Variants in CSGALNACT1 observed in about 807,000 individuals in gnomAD.
CSGALNACT1 encodes beta4GalNAcT-1.
CSGALNACT1 carries 52 observed loss-of-function variants against 51.0 expected under a neutral mutation model. The ratio of observed to expected loss-of-function variants is 1.02; its 90% CI spans 0.82 to 1.29. The LOEUF (loss-of-function observed/expected upper bound fraction) is 1.29. Among genes scored for constraint, CSGALNACT1 ranks in the 50% most tolerant of loss-of-function variants. CSGALNACT1 has a pLI of 0.00. For synonymous variants in CSGALNACT1, 341 were observed against 254.4 expected, an observed-to-expected ratio of 1.34 and a Z score of -3.24; for missense variants, 935 against 679.2, an observed-to-expected ratio of 1.38 and a Z score of -4.19.
intron 1 of CSGALNACT1, among the ~76,000 whole-genome samples, chr8:19,655,579 C>CACACACAT (rs377123745): frequency 1.4e-4 from 16 of 111,830 alleles, no homozygotes; most frequent in South Asian, 7.0e-4. Context: ...CACACACACA[C>CACACACAT]ATATATATAT....
intron 1 of CSGALNACT1, among the ~76,000 whole-genome samples, chr8:19,702,459 C>T (rs995777079): frequency 1.9e-4 from 29 of 152,076 alleles, no homozygotes; most frequent in African/African-American, 6.8e-4. Flanking sequence ...CTGCAGTGAG[C>T]TATAATCACA....
chr8:19,526,951 CT>C (rs2081833346), intron 3 of CSGALNACT1, among the ~76,000 whole-genome samples: 1 of 152,162 alleles, frequency 6.6e-6, no homozygotes, highest in African/African-American at 2.4e-5. Flanking sequence ...ACGTTAAATG[CT>C]ATGTTAAAGT....
upstream of CSGALNACT1, among the ~76,000 whole-genome samples, chr8:19,603,944 A>C (rs1440438895): frequency 1.3e-5 from 2 of 152,204 alleles, no homozygotes; most frequent in South Asian, 2.1e-4. Flanking sequence ...TCATCTACAC[A>C]CAGTAACATA....
chr8:19,557,146 G>A (rs962565804), intron 3 of CSGALNACT1, among the ~76,000 whole-genome samples: 1 of 152,114 alleles, frequency 6.6e-6, no homozygotes, highest in Non-Finnish European at 1.5e-5. Context: ...ATCCAATTCT[G>A]TAAATTTAGT....
intron 5 of CSGALNACT1, among the ~76,000 whole-genome samples, chr8:19,454,680 AT>A (rs1294167193): frequency 1.3e-5 from 2 of 152,192 alleles, no homozygotes; most frequent in Non-Finnish European, 2.9e-5. Context: ...AAATAAATAA[AT>A]AAATGATTGC....
intron 1 of CSGALNACT1, among the ~76,000 whole-genome samples, chr8:19,654,076 G>A (rs1047894656): frequency 1.3e-5 from 2 of 152,164 alleles, no homozygotes; most frequent in African/African-American, 4.8e-5. Flanking sequence ...TGCATGAAAA[G>A]CTGCCTTATT....
At chr8:19,532,988 T>C (rs548351891) in intron 3 of CSGALNACT1, among the ~76,000 whole-genome samples, 147 of 152,334 alleles carry the variant, frequency 9.6e-4, no homozygotes, top group African/African-American at 3.3e-3. Flanking sequence ...ACCCCAACTT[T>C]TATTTTCCTT....
chr8:19,431,824 T>A (rs1027104832), intron 6 of CSGALNACT1, among the ~76,000 whole-genome samples: 6 of 145,496 alleles, frequency 4.1e-5, no homozygotes, highest in Non-Finnish European at 9.2e-5. Context: ...TTTTTTTTTT[T>A]AATTAAATCA....
Position 19,505,644 on chromosome 8 carries a change from C to T in CSGALNACT1, c.191G>A (p.Trp64Ter), listed in dbSNP as rs2077189679. 1 of 1,614,172 alleles carries T rather than the reference C, an allele frequency of 6.2e-7. No individual in the cohort carries two copies. The highest frequency in any genetic ancestry group is 1.3e-5 in the African/African-American group (1 of 75,054). ...CACGTAGTTGCGGTGCTGCTCCTCCCACTCCTGAAGGACGGCCTGGTACCC... is the reference window on the plus strand; with the variant it reads ...CACGTAGTTGCGGTGCTGCTCCTCCTACTCCTGAAGGACGGCCTGGTACCC... Residue 64 changes from tryptophan (W) to a stop codon, truncating the protein, a stop_gained, in exon 4 of 10, where the codon TGG becomes TAG. Transcript: ENST00000454498. LOFTEE classifies it high-confidence loss of function.
intron 3 of CSGALNACT1, among the ~76,000 whole-genome samples, chr8:19,523,317 T>C (rs765484111): frequency 2.0e-5 from 3 of 152,164 alleles, no homozygotes; most frequent in Non-Finnish European, 4.4e-5. Flanking sequence ...TAGGCTGAAG[T>C]GCAAGGGCGC....
intron 1 of CSGALNACT1, among the ~76,000 whole-genome samples, chr8:19,692,312 T>A (rs2154216166): frequency 6.6e-6 from 1 of 152,344 alleles, no homozygotes; most frequent in South Asian, 2.1e-4. Flanking sequence ...CCTGCAATGT[T>A]ACCTGCCCTT....
chr8:19,477,953 A>G (rs541017619), intron 4 of CSGALNACT1, among the ~76,000 whole-genome samples: 1 of 152,318 alleles, frequency 6.6e-6, no homozygotes, highest in Admixed American at 6.5e-5. Context: ...ATATTTCATG[A>G]TGTTTGATGA....
chr8:19,513,436 C>CTCTCTCTCTCTATATATATATA, intron 3 of CSGALNACT1, among the ~76,000 whole-genome samples: 95 of 81,930 alleles, frequency 1.2e-3, no homozygotes, highest in Non-Finnish European at 1.6e-3. Flanking sequence ...CTCTCTCTCT[C>CTCTCTCTCTCTATATATATATA]TATATATATA....
At chr8:19,634,425 G>A (rs1331009582) in intron 1 of CSGALNACT1, among the ~76,000 whole-genome samples, 2 of 151,976 alleles carry the variant, frequency 1.3e-5, no homozygotes, top group Non-Finnish European at 1.5e-5. Flanking sequence ...GCAGAGAGAG[G>A]CCGAGGCAAG....
At chr8:19,744,675 T>G (rs770223711) in intron 1 of CSGALNACT1, among the ~76,000 whole-genome samples, 1 of 152,194 alleles carries the variant, frequency 6.6e-6, no homozygotes, top group Non-Finnish European at 1.5e-5. Flanking sequence ...TAAAAGAGAT[T>G]TCTAAAGGTG....
chr8:19,656,837 G>A (rs1232279527), intron 1 of CSGALNACT1, among the ~76,000 whole-genome samples: 2 of 152,048 alleles, frequency 1.3e-5, no homozygotes, highest in African/African-American at 2.4e-5. Flanking sequence ...GGAGGCCAAG[G>A]CGCGTGGATC....
At position 19,536,268 on chromosome 8, in the gene CSGALNACT1, G is replaced by A. The variant is rs111685798; in HGVS notation, c.-296-30138C>T. 3.8e-3 allele frequency among the ~76,000 whole-genome samples: 575 copies of A among 152,180 alleles called. 4 individuals are homozygous for A. Among genetic ancestry groups the A allele is most frequent in the African/African-American group, 0.013 (548 of 41,526 alleles). On this transcript the variant is annotated intron_variant, in intron 3 of 9. Transcript: ENST00000454498. ...TGTTAACAGGGGAGGCTACACATGC[G>A]TAAAGGCAAGGGGTATATGGAAAAT...
chr8:19,716,136 C>T (rs2062794581), intron 1 of CSGALNACT1, among the ~76,000 whole-genome samples: 2 of 152,066 alleles, frequency 1.3e-5, no homozygotes. Context: ...ATAATCCCGC[C>T]CTTTCCTCTA....
At chr8:19,756,704 C>T (rs1271100522) in intron 1 of CSGALNACT1, among the ~76,000 whole-genome samples, 1 of 152,150 alleles carries the variant, frequency 6.6e-6, no homozygotes, top group Non-Finnish European at 1.5e-5. Flanking sequence ...CAGGCGAGCG[C>T]GCTGCCCACC....
Sources: allele counts gnomAD v4.1 joint callset (sites outside exome capture counted in the v4.1 genomes callset), GRCh38; gene constraint gnomAD v4.1.1; transcripts MANE v1.5; gene names NCBI Gene and HGNC (gene_info 2026-07-23, HGNC 2026-07-21).